Variants in DAPP1 observed in about 807,000 individuals in gnomAD.
DAPP1 encodes dual adaptor of phosphotyrosine and 3-phosphoinositides 1, also known as dual adapter for phosphotyrosine and 3-phosphotyrosine and 3-phosphoinositide.
DAPP1 carries 20 observed loss-of-function variants against 41.5 expected under a neutral mutation model. The observed-to-expected ratio is 0.48, with a 90% CI of 0.34 to 0.70. The LOEUF (loss-of-function observed/expected upper bound fraction) is 0.70, where lower values mean the gene tolerates loss of function less well. DAPP1 is among the 30% of genes least tolerant of loss of function. The pLI is 0.01. For synonymous variants in DAPP1, 113 were observed against 116.2 expected (o/e 0.97, Z 0.18); for missense variants, 233 against 333.4 (o/e 0.70, Z 2.35).
At chr4:99,833,703 C>T (rs1245580207) in intron 1 of DAPP1, among the ~76,000 whole-genome samples, 1 of 152,158 alleles carries the variant, frequency 6.6e-6, no homozygotes, top group Non-Finnish European at 1.5e-5. Context: ...AACTGTGGTC[C>T]CTAGCAGTCA....
chr4:99,842,010 C>T (rs1031328252), intron 3 of DAPP1, among the ~76,000 whole-genome samples: 2 of 152,232 alleles, frequency 1.3e-5, no homozygotes, highest in South Asian at 4.1e-4. Context: ...GATACATATT[C>T]TGCCTACTGG....
chr4:99,854,130 T>C (rs1297272992), intron 4 of DAPP1, among the ~76,000 whole-genome samples: 1 of 152,234 alleles, frequency 6.6e-6, no homozygotes, highest in Non-Finnish European at 1.5e-5. Flanking sequence ...CACTTGTGCT[T>C]CTTTGCAACG....
chr4:99,857,011 C>T (rs1232948016), intron 4 of DAPP1, among the ~76,000 whole-genome samples: 1 of 152,176 alleles, frequency 6.6e-6, no homozygotes, highest in Non-Finnish European at 1.5e-5. Flanking sequence ...TATCAGTCTG[C>T]AGCAAAGAAC....
chr4:99,856,930 G>A (rs1423924786), intron 4 of DAPP1, among the ~76,000 whole-genome samples: 1 of 152,164 alleles, frequency 6.6e-6, no homozygotes, highest in Non-Finnish European at 1.5e-5. Context: ...CTAATGATCA[G>A]TAGACATGTC....
intron 1 of DAPP1, among the ~76,000 whole-genome samples, chr4:99,829,476 G>A (rs1427573007): frequency 2.0e-5 from 3 of 151,108 alleles, no homozygotes; most frequent in Admixed American, 1.3e-4. Context: ...GTGAAACTCC[G>A]TCTCAAAAAA....
At chr4:99,833,733 A>G (rs1723201151) in intron 1 of DAPP1, among the ~76,000 whole-genome samples, 1 of 152,232 alleles carries the variant, frequency 6.6e-6, no homozygotes, top group Non-Finnish European at 1.5e-5. Context: ...TCTGCTGTCT[A>G]GCTTTCTGTT....
chr4:99,845,659 G>A (rs1310316175), intron 3 of DAPP1, among the ~76,000 whole-genome samples: 1 of 152,210 alleles, frequency 6.6e-6, no homozygotes, highest in Admixed American at 6.5e-5. Context: ...GTTCTAAAGA[G>A]TGTGAATCAA....
At chr4:99,841,721 G>A (rs1472953602) in intron 3 of DAPP1, among the ~76,000 whole-genome samples, 1 of 152,148 alleles carries the variant, frequency 6.6e-6, no homozygotes, top group Admixed American at 6.5e-5. Context: ...TTAAAGCCAG[G>A]GTTTTGTTTT....
Position 99,869,239 on chromosome 4 carries a change from A to G in DAPP1, c.*1054A>G, listed in dbSNP as rs972664283. The G allele has an allele frequency of 3.3e-5, 5 of 152,236 alleles. No individual in the cohort carries two copies. The highest frequency in any genetic ancestry group is 4.1e-4 in the South Asian group (2 of 4,836). 9.4% of individuals were successfully genotyped at this position (152,236 alleles called of 1,614,324 possible). On this transcript the variant is annotated 3_prime_UTR_variant, in exon 9 of 9. Transcript: ENST00000512369. Reference sequence around the variant, plus strand: ...ACACTAAAGCTACAAGAAATATGTAATAATGATAGGTAATAATGTGTTCCA... The same window carrying G: ...ACACTAAAGCTACAAGAAATATGTAGTAATGATAGGTAATAATGTGTTCCA...
chr4:99,842,239 A>G (rs1578175949), intron 3 of DAPP1, among the ~76,000 whole-genome samples: 1 of 152,380 alleles, frequency 6.6e-6, no homozygotes, highest in East Asian at 1.9e-4. Context: ...AGGATTTGTC[A>G]TCCAGACTTC....
chr4:99,858,055 A>G (rs1429704572), intron 4 of DAPP1, among the ~76,000 whole-genome samples: 1 of 152,212 alleles, frequency 6.6e-6, no homozygotes, highest in African/African-American at 2.4e-5. Context: ...ATTTCCAAAA[A>G]TAAGGGCATT....
At chr4:99,863,573 C>T (rs1265355809) in intron 6 of DAPP1, among the ~76,000 whole-genome samples, 197 bp from the exon 7 acceptor site, 1 of 152,094 alleles carries the variant, frequency 6.6e-6, no homozygotes, top group Non-Finnish European at 1.5e-5. Flanking sequence ...TAACTTAATG[C>T]CCAGTTTTAT....
intron 5 of DAPP1, among the ~76,000 whole-genome samples, chr4:99,862,662 A>G (rs1724279112): frequency 6.6e-6 from 1 of 152,170 alleles, no homozygotes; most frequent in African/African-American, 2.4e-5. Context: ...GTCACATTGA[A>G]TATTTATGAT....
intron 7 of DAPP1, chr4:99,865,249 A>G (rs1041189300): frequency 6.6e-6 from 1 of 152,240 alleles, no homozygotes; most frequent in Non-Finnish European, 1.5e-5. Flanking sequence ...AAAAGAAAAA[A>G]GATTTTTGGT....
Position 99,835,643 on chromosome 4 carries a change from C to T in DAPP1, c.122C>T (p.Thr41Ile), listed in dbSNP as rs1723274653. ...TCTAGGTGGTATCACGGCAACCTCA[C>T]ACGCCATGCTGCTGAAGCTCTTCTC... ...QDLGWYHGNL[T>I]RHAAEALLLS... is the part of the protein sequence containing the mutation. Residue 41 changes from threonine to isoleucine, a missense_variant, in exon 2 of 9, where the codon ACA (threonine) becomes ATA (isoleucine). Thr to Ile is a moderately conservative substitution (Grantham distance 89). Coordinates refer to ENST00000512369, the MANE Select transcript of DAPP1 (RefSeq NM_014395.3). 6.2e-7 allele frequency: 1 copy of T among 1,613,594 alleles called. No individual in the cohort carries two copies.
rs534926032 is a variant in DAPP1 at position 99,853,365 on chromosome 4, G to C, written c.489+17G>C. The C allele has an allele frequency of 1.3e-6, 2 of 1,597,906 alleles. No homozygotes were observed. Among genetic ancestry groups the C allele is most frequent in the Non-Finnish European group, 1.7e-6 (2 of 1,171,442 alleles). ...GCACCTTCTGTAAGTGACCTTCAAC[G>C]TGACCACAAGCTCTCTCCCTGTCTA... On this transcript the variant is annotated intron_variant, in intron 4 of 8. Transcript: ENST00000512369.
rs1724577602 is a variant in DAPP1 at position 99,869,642 on chromosome 4, G to A, written c.*1457G>A. 1 of 152,158 alleles carries A rather than the reference G, an allele frequency of 6.6e-6. No homozygotes were observed. The highest frequency in any genetic ancestry group is 2.4e-5 in the African/African-American group (1 of 41,432). The allele number at this position is 152,158 out of a possible 1,614,324, so 9.4% of individuals were successfully genotyped here. A position where few individuals can be genotyped will look rare whatever the true frequency, so the allele number is the denominator to read the frequency against. On this transcript the variant is annotated 3_prime_UTR_variant, in exon 9 of 9. Transcript: ENST00000512369. Reference sequence around the variant, plus strand: ...TATTGTGTTGTTTGTAAAGTAAGAAGTTACTGGCCAGGAGCGGCGGCTCAT... The same window carrying A: ...TATTGTGTTGTTTGTAAAGTAAGAAATTACTGGCCAGGAGCGGCGGCTCAT...
In DAPP1 at chr4:99,865,966, T is replaced by TTATATA. The variant is rs144437006; in HGVS notation, c.687-51_687-46dup. The TTATATA allele has an allele frequency of 9.8e-3, 786 of 80,288 alleles. 6 individuals are homozygous for TTATATA. The highest frequency in any genetic ancestry group is 0.039 in the East Asian group (117 of 3,004). 5.0% of individuals were successfully genotyped at this position (80,288 alleles called of 1,614,324 possible). A position where few individuals can be genotyped will look rare whatever the true frequency, so the allele number is the denominator to read the frequency against. On this transcript the variant is annotated intron_variant, in intron 7 of 8. Coordinates refer to ENST00000512369, the MANE Select transcript of DAPP1 (RefSeq NM_014395.3). ...TATATTATATATTATATTATATATATTATATATATATATATATATATAGCT... is the reference window on the plus strand; with the variant it reads ...TATATTATATATTATATTATATATATTATATATATATATATATATATATATATAGCT...
chr4:99,860,134 A>G (rs923268549), intron 4 of DAPP1, among the ~76,000 whole-genome samples: 2 of 152,238 alleles, frequency 1.3e-5, no homozygotes, highest in Admixed American at 6.5e-5. Context: ...ATAGATTTTT[A>G]AAGATAAATG....
Sources: allele counts gnomAD v4.1 joint callset (sites outside exome capture counted in the v4.1 genomes callset), GRCh38; gene constraint gnomAD v4.1.1; transcripts MANE v1.5; gene names NCBI Gene and HGNC (gene_info 2026-07-23, HGNC 2026-07-21).